The following XKR6 variants were observed in gnomAD, a reference collection of about 807,000 sequenced individuals.
XKR6 encodes XK-related protein 6.
In XKR6, 22 loss-of-function variants were observed where a neutral mutation model predicts 56.7. That is an observed-to-expected ratio of 0.39 (90% CI 0.28 to 0.55). The LOEUF (loss-of-function observed/expected upper bound fraction) is 0.55. Among genes scored for constraint, XKR6 ranks in the 20% least tolerant of loss-of-function variants. The probability of loss-of-function intolerance (pLI) is 0.66; values close to 1 mark genes in which losing one functional copy is unlikely to be tolerated. For missense variants in XKR6, 852 were observed against 889.0 expected (o/e 0.96, Z 0.53); for synonymous variants, 524 against 387.8 (o/e 1.35, Z -4.13).
intron 1 of XKR6, among the ~76,000 whole-genome samples, chr8:10,946,875 C>T (rs1034533939): frequency 1.3e-5 from 2 of 152,136 alleles, no homozygotes; most frequent in African/African-American, 4.8e-5. Context: ...GAGCTGAGTG[C>T]TCAAGGATGG....
intron 1 of XKR6, among the ~76,000 whole-genome samples, chr8:11,073,282 G>T (rs1800180947): frequency 6.6e-6 from 1 of 152,126 alleles, no homozygotes. Flanking sequence ...ATGAACTCTG[G>T]AGACCGCACT....
intron 1 of XKR6, among the ~76,000 whole-genome samples, chr8:11,002,801 T>A (rs1218379475): frequency 3.9e-5 from 6 of 152,112 alleles, no homozygotes; most frequent in Admixed American, 3.3e-4. Flanking sequence ...AGAAGGGAAA[T>A]AAACACAGTC....
chr8:10,923,558 C>T (rs1190829085), intron 2 of XKR6, among the ~76,000 whole-genome samples: 1 of 152,096 alleles, frequency 6.6e-6, no homozygotes, highest in Non-Finnish European at 1.5e-5. Flanking sequence ...CCCTTTTTGC[C>T]TAAGTACCTA....
intron 1 of XKR6, among the ~76,000 whole-genome samples, chr8:11,144,699 C>A (rs1800890908): frequency 6.6e-6 from 1 of 152,106 alleles, no homozygotes; most frequent in African/African-American, 2.4e-5. Flanking sequence ...TAGCAAGCCG[C>A]CAAGCTCCTT....
chr8:10,944,796 C>A (rs1801487397), intron 1 of XKR6, among the ~76,000 whole-genome samples: 1 of 152,168 alleles, frequency 6.6e-6, no homozygotes, highest in African/African-American at 2.4e-5. Context: ...AGCTGCCAAC[C>A]CAGCCCCTGA....
At chr8:11,083,447 T>C (rs1797792855) in intron 1 of XKR6, among the ~76,000 whole-genome samples, 1 of 152,184 alleles carries the variant, frequency 6.6e-6, no homozygotes, top group South Asian at 2.1e-4. Flanking sequence ...CGATCGCCCC[T>C]GGGACTTGAC....
rs576628147 is a variant in XKR6, at chr8:11,048,113, C to T, written c.765-123283G>A. Reference sequence around the variant, plus strand: ...GTATCCTTCGATCACACACCCCCCACGCTCAGTCACTGCAGCAGCCAGAAA... The same window carrying T: ...GTATCCTTCGATCACACACCCCCCATGCTCAGTCACTGCAGCAGCCAGAAA... On this transcript the variant is annotated intron_variant, in intron 1 of 2. Coordinates refer to ENST00000416569, the MANE Select transcript of XKR6 (RefSeq NM_173683.4). 2.4e-4 allele frequency among the ~76,000 whole-genome samples: 37 copies of T among 152,288 alleles called. 1 individual carries two copies. Among genetic ancestry groups the T allele is most frequent in the African/African-American group, 7.7e-4 (32 of 41,550 alleles).
intron 1 of XKR6, among the ~76,000 whole-genome samples, chr8:11,071,541 T>TATGAGCCCCGAGTCC (rs1488219411): frequency 5.5e-5 from 4 of 72,266 alleles, no homozygotes; most frequent in Admixed American, 1.2e-4. Context: ...GCCCCGAGTC[T>TATGAGCCCCGAGTCC]ATGAGCCCCG....
At chr8:10,964,526 G>A (rs1802159430) in intron 1 of XKR6, among the ~76,000 whole-genome samples, 1 of 152,156 alleles carries the variant, frequency 6.6e-6, no homozygotes, top group Non-Finnish European at 1.5e-5. Flanking sequence ...AGAGCATATT[G>A]GGGTCACTTC....
At chr8:10,899,043 G>A (rs1293345866) in intron 2 of XKR6, 127 bp from the exon 3 acceptor site, 7 of 1,414,638 alleles carry the variant, frequency 4.9e-6, no homozygotes, top group Non-Finnish European at 6.6e-6. Flanking sequence ...AAGAAACACA[G>A]AATCAGGAAC....
chr8:11,163,658 G>T (rs1801932974), intron 1 of XKR6, among the ~76,000 whole-genome samples: 1 of 152,224 alleles, frequency 6.6e-6, no homozygotes, highest in African/African-American at 2.4e-5. Context: ...TTGCTTTGTT[G>T]TTTGCGTGGT....
At chr8:11,159,136 C>T (rs554236002) in intron 1 of XKR6, among the ~76,000 whole-genome samples, 6 of 152,272 alleles carry the variant, frequency 3.9e-5, no homozygotes, top group South Asian at 2.1e-4. Context: ...TTTAGTTGGC[C>T]GTTTCAATGA....
rs771520774 is a variant in XKR6, at chr8:11,201,207, C to T, written c.133G>A (p.Gly45Ser). The T allele has an allele frequency of 6.5e-5, 99 of 1,531,732 alleles. No individual in the cohort carries two copies. Among genetic ancestry groups the T allele is most frequent in the Non-Finnish European group, 8.4e-5 (96 of 1,146,024 alleles). 94.9% of individuals were successfully genotyped at this position (1,531,732 alleles called of 1,614,324 possible). ...GGGGCGGGGD[G>S]SEPGESSSMH... ...GAGCTGCTCTCGCCGGGCTCGCTGC[C>T]GTCGCCGCCGCCGCCGCAGCCGCCT... Residue 45 changes from glycine to serine, a missense_variant, in exon 1 of 3, where the codon GGC becomes AGC. Physicochemically the swap from Gly to Ser is moderately conservative, Grantham distance 56. Coordinates refer to ENST00000416569, the MANE Select transcript of XKR6 (RefSeq NM_173683.4).
At chr8:11,099,018 CT>C (rs1371678055) in intron 1 of XKR6, among the ~76,000 whole-genome samples, 1 of 152,186 alleles carries the variant, frequency 6.6e-6, no homozygotes, top group African/African-American at 2.4e-5. Flanking sequence ...TAATGAGCTT[CT>C]TCCCCCTTCC....
At chr8:10,938,303 C>T (rs1801287404) in intron 1 of XKR6, among the ~76,000 whole-genome samples, 2 of 152,182 alleles carry the variant, frequency 1.3e-5, no homozygotes, top group Non-Finnish European at 2.9e-5. Flanking sequence ...CACTGTCTGG[C>T]ACTCCCTAGT....
chr8:10,898,460 G>A lies in XKR6; in HGVS notation c.1418C>T (p.Ala473Val), dbSNP rs542823950. ...YRDPETTDSY[A>V]VPALCCVFIS... ...AAAGACACAACACAGTGCTGGCACC[G>A]CATAGGAGTCAGTGGTCTCCGGGTC... The change falls in exon 3 of 3, where the codon GCG becomes GTG. Residue 473 changes from alanine (A) to valine (V), a missense_variant. Ala to Val is a moderately conservative substitution (Grantham distance 64). Transcript: ENST00000416569. The surrounding 1 kb of genome is among the most constrained non-coding windows in gnomAD (Gnocchi z 6.6). 58 of 1,613,860 alleles carry A rather than the reference G, an allele frequency of 3.6e-5. No homozygotes were observed. The highest frequency in any genetic ancestry group is 8.0e-5 in the African/African-American group (6 of 75,054).
chr8:11,115,715 C>T (rs1286035163), intron 1 of XKR6, among the ~76,000 whole-genome samples: 2 of 152,116 alleles, frequency 1.3e-5, no homozygotes, highest in South Asian at 2.1e-4. Context: ...GCCTAGGGTC[C>T]CATTACTGCA....
intron 1 of XKR6, among the ~76,000 whole-genome samples, chr8:11,178,547 A>AAT (rs373879147): frequency 0.11 from 9,349 of 88,374 alleles, 465 homozygotes; most frequent in Non-Finnish European, 0.13. Context: ...GAGAGGTAAA[A>AAT]ATATATATAT....
At chr8:11,002,575 T>G (rs1586417471) in intron 1 of XKR6, 1 of 196,896 alleles carries the variant, frequency 5.1e-6, no homozygotes, top group Non-Finnish European at 1.1e-5. Flanking sequence ...GGCTTTGCCA[T>G]CTGGTCACCC....
Sources: allele counts gnomAD v4.1 joint callset (sites outside exome capture counted in the v4.1 genomes callset), GRCh38; gene constraint gnomAD v4.1.1; non-coding constraint Gnocchi (gnomAD v3.1); transcripts MANE v1.5; gene names NCBI Gene and HGNC (gene_info 2026-07-23, HGNC 2026-07-21).